The following PSD variants were observed in gnomAD, a reference collection of about 807,000 sequenced individuals.
PSD encodes pleckstrin and Sec7 domain containing, also known as PH and SEC7 domain-containing protein 1.
Under a neutral mutation model 91.6 loss-of-function variants are expected in PSD, and 32 were observed. That is an observed-to-expected ratio of 0.35 (90% CI 0.26 to 0.47). The LOEUF is 0.47. Ranked by LOEUF, PSD falls within the 20% of genes least tolerant of loss-of-function variation. The pLI, the probability that PSD is intolerant of heterozygous loss-of-function variation, is 1.00. For missense variants in PSD, 1,099 were observed against 1,373.9 expected, an observed-to-expected ratio of 0.80 and a Z score of 3.16; for synonymous variants, 532 against 569.3, an observed-to-expected ratio of 0.93 and a Z score of 0.93.
Position 102,416,485 on chromosome 10 carries a change from G to T in PSD, c.554C>A (p.Ala185Glu). The T allele has an allele frequency of 6.2e-7, 1 of 1,613,570 alleles. No individual in the cohort carries two copies. The highest frequency in any genetic ancestry group is 1.1e-5 in the South Asian group (1 of 91,032). ...HGPPAPPQVG[A>E]DGLYSSLPNG... ...GGGGAGAGAGGAGTAAAGGCCATCT[G>T]CTCCAACCTGGGGTGGGGCTGGCGG... Residue 185 changes from alanine to glutamate, a missense_variant, in exon 2 of 17, where the codon GCA becomes GAA. By Grantham distance (107) the Ala-to-Glu change is moderately radical. Transcript: ENST00000020673. This position sits in a 1 kb window ranked among gnomAD's most constrained non-coding sequence, Gnocchi z 6.0.
At position 102,405,251 on chromosome 10, in the gene PSD, G is replaced by A. The variant is rs200631306; in HGVS notation, c.2329C>T (p.Pro777Ser). Residue 777 changes from proline (P) to serine (S), a missense_variant and splice_region_variant, in exon 13 of 17, where the codon CCT becomes TCT. Transcript: ENST00000020673. This position sits in a 1 kb window ranked among gnomAD's most constrained non-coding sequence, Gnocchi z 5.4. ...VHADPDCRKT[P>S]RGKRGWKSFH... is the part of the protein sequence containing the mutation. ...CTCTTCCAGCCCCGCTTGCCCCGAG[G>A]TGCTGCGGGGAGAGAAGACAGGTCA... 12 of 1,610,672 alleles carry A rather than the reference G, an allele frequency of 7.5e-6. No individual in the cohort carries two copies. Among genetic ancestry groups the A allele is most frequent in the Non-Finnish European group, 1.0e-5 (12 of 1,179,850 alleles).
chr10:102,408,875 C>T, intron 10 of PSD: 2 of 986,836 alleles, frequency 2.0e-6, no homozygotes, highest in South Asian at 9.4e-5. Flanking sequence ...TGGCGTGGGC[C>T]GCGGCCCCAA....
At position 102,411,052 on chromosome 10, in the gene PSD, A is replaced by C; in HGVS notation, c.2001+6T>G. On this transcript the variant is annotated splice_donor_region_variant and intron_variant, in intron 9 of 16. Transcript: ENST00000020673. The stretch of plus-strand genomic sequence containing the variant: ...TTCCGGCTCCTGCCCGCCCGCCTCC[A>C]CTCACATGGCCGTGGAGATCCGTGT... The C allele has an allele frequency of 6.2e-7, 1 of 1,612,346 alleles. No homozygotes were observed. Among genetic ancestry groups the C allele is most frequent in the Non-Finnish European group, 8.5e-7 (1 of 1,178,938 alleles).
rs1565220848 is a variant in PSD at position 102,405,581 on chromosome 10, G to A, written c.2136-45C>T. 1.3e-6 allele frequency: 2 copies of A among 1,559,458 alleles called. No individual in the cohort carries two copies. Among genetic ancestry groups the A allele is most frequent in the East Asian group, 2.3e-5 (1 of 43,694 alleles). ...AGAGGGGGCTGGCCATGGAGCCGCG[G>A]CCCCCGCTTCAGTTCTGGCCTCTGC... On this transcript the variant is annotated intron_variant, in intron 11 of 16. Coordinates refer to ENST00000020673, the MANE Select transcript of PSD (RefSeq NM_002779.5). This position sits in a 1 kb window ranked among gnomAD's most constrained non-coding sequence, Gnocchi z 5.4.
At position 102,414,797 on chromosome 10, in the gene PSD, T is replaced by C. The variant is rs1335270218; in HGVS notation, c.1124+66A>G. On this transcript the variant is annotated intron_variant, in intron 4 of 16. Transcript: ENST00000020673. The surrounding 1 kb of genome is among the most constrained non-coding windows in gnomAD (Gnocchi z 5.6). ...CAGGCCCTTTGAGCCCGGCTCTGCCTGTGGGCCAGTGCGAAGGAGCAAGCC... is the reference window on the plus strand; with the variant it reads ...CAGGCCCTTTGAGCCCGGCTCTGCCCGTGGGCCAGTGCGAAGGAGCAAGCC... 19 of 1,476,016 alleles carry C rather than the reference T, an allele frequency of 1.3e-5. No homozygotes were observed. The highest frequency in any genetic ancestry group is 1.7e-5 in the Non-Finnish European group (19 of 1,117,790). The allele number at this position is 1,476,016 out of a possible 1,614,324, so 91.4% of individuals were successfully genotyped here. A position where few individuals can be genotyped will look rare whatever the true frequency, so the allele number is the denominator to read the frequency against.
chr10:102,411,617 C>T, intron 8 of PSD, 90 bp downstream of exon 8: 3 of 945,442 alleles, frequency 3.2e-6, no homozygotes, highest in Non-Finnish European at 5.1e-6. Flanking sequence ...CTGCTGTACA[C>T]ACACTCATGC....
rs2061335198 is a variant in PSD at position 102,404,394 on chromosome 10, A to G, written c.2700+189T>C. ...GCCCCTTCCTTTGGACAAACAAAGC[A>G]CTATGTTTGGGTTCCCAGCCGGCAA... On this transcript the variant is annotated intron_variant, in intron 15 of 16. Transcript: ENST00000020673. This position sits in a 1 kb window ranked among gnomAD's most constrained non-coding sequence, Gnocchi z 5.7. Among the ~76,000 whole-genome samples, 1 of 150,936 alleles carries G rather than the reference A, an allele frequency of 6.6e-6. No individual in the cohort carries two copies. Among genetic ancestry groups the G allele is most frequent in the South Asian group, 2.1e-4 (1 of 4,794 alleles).
At chr10:102,408,993 G>C in intron 10 of PSD, 2 of 987,380 alleles carry the variant, frequency 2.0e-6, no homozygotes, top group Non-Finnish European at 2.4e-6. Flanking sequence ...CCGTAGCACA[G>C]GGTCTCCGCG....
At position 102,403,351 on chromosome 10, in the gene PSD, G is replaced by A. The variant is rs1342327343; in HGVS notation, c.2924C>T (p.Ala975Val). Residue 975 changes from alanine to valine, a missense_variant, in exon 17 of 17, where the codon GCA (alanine) becomes GTA (valine). Physicochemically the swap from Ala to Val is moderately conservative, Grantham distance 64. Coordinates refer to ENST00000020673, the MANE Select transcript of PSD (RefSeq NM_002779.5). This position sits in a 1 kb window ranked among gnomAD's most constrained non-coding sequence, Gnocchi z 6.7. ...AGSEELDAVE[A>V]ALAQAGSTED... ...TGTGCTCCCGGCCTGGGCCAGTGCT[G>A]CCTCCACTGCATCCAGCTCCTCACT... 2.3e-5 allele frequency: 37 copies of A among 1,613,910 alleles called. No homozygotes were observed. The highest frequency in any genetic ancestry group is 3.1e-5 in the Non-Finnish European group (37 of 1,180,026).
At chr10:102,408,791 C>CT in intron 10 of PSD, 1 of 780,342 alleles carries the variant, frequency 1.3e-6, no homozygotes, top group African/African-American at 1.9e-5. Flanking sequence ...ACCTCTGTCC[C>CT]TACCAGGCTC....
chr10:102,403,390 T>A lies in PSD; in HGVS notation c.2885A>T (p.Lys962Met). The change falls in exon 17 of 17, where the codon AAG becomes ATG. Residue 962 changes from lysine to methionine, a missense_variant. Physicochemically the swap from Lys to Met is moderately conservative, Grantham distance 95. Coordinates refer to ENST00000020673, the MANE Select transcript of PSD (RefSeq NM_002779.5). This position sits in a 1 kb window ranked among gnomAD's most constrained non-coding sequence, Gnocchi z 6.7. The part of the protein sequence containing the change: ...YSTYAALLRV[K>M]LKAGSEELDA... ...CAGCTCCTCACTGCCTGCCTTCAGC[T>A]TGACCCGAAGCAGCGCTGCATAGGT... The A allele has an allele frequency of 6.2e-7, 1 of 1,613,550 alleles. No individual in the cohort carries two copies.
upstream of PSD, chr10:102,418,838 C>G (rs2061519354): frequency 2.6e-6 from 1 of 386,602 alleles, no homozygotes; most frequent in Admixed American, 2.6e-5. Flanking sequence ...ACGCGCCGCT[C>G]AGGCAACGCT....
Position 102,412,538 on chromosome 10 carries a change from A to T in PSD, c.1591T>A (p.Ser531Thr). The change falls in exon 6 of 17, where the codon TCA becomes ACA. Residue 531 changes from serine (S) to threonine (T), a missense_variant. This residue lies in a region of PSD where 631 missense variants were observed against 728.8 expected (regional missense o/e 0.87). Coordinates refer to ENST00000020673, the MANE Select transcript of PSD (RefSeq NM_002779.5). The stretch of plus-strand genomic sequence containing the variant: ...AGCCGCTCTGTGCTGTCCAGCTCTG[A>T]GTCTGAGTCGGACACCAGCTGGCTC... ...PLSQLVSDSDSELDSTERLAL... is the reference protein window; with the variant it reads ...PLSQLVSDSDTELDSTERLAL... 1 of 1,613,704 alleles carries T rather than the reference A, an allele frequency of 6.2e-7. No individual in the cohort carries two copies.
rs542437943 is a variant in PSD at position 102,414,335 on chromosome 10, G to A, written c.1125-138C>T. 5.6e-6 allele frequency: 5 copies of A among 889,776 alleles called. No homozygotes were observed. The highest frequency in any genetic ancestry group is 5.8e-5 in the Admixed American group (2 of 34,416). The allele number at this position is 889,776 out of a possible 1,614,324, so 55.1% of individuals were successfully genotyped here. On this transcript the variant is annotated intron_variant, in intron 4 of 16. Transcript: ENST00000020673. The surrounding 1 kb of genome is among the most constrained non-coding windows in gnomAD (Gnocchi z 5.6). ...GGCTCCAGCCCACTAACAAAAAAGA[G>A]CCTCTAGGGTAGGGCGCCAAGCTAT... is the stretch of plus-strand genomic sequence containing the variant.
In PSD at chr10:102,403,976, C is replaced by T; in HGVS notation, c.2710G>A (p.Val904Met). ...AATRLSQEEQ[V>M]RTHEAKLKAM... ...TTCAGCTTGGCCTCGTGGGTCCGCA[C>T]CTGCTCCTCCTAGCGGCCAGGGGGA... The change falls in exon 16 of 17, where the codon GTG becomes ATG. Residue 904 changes from valine to methionine, a missense_variant. By Grantham distance (21) the Val-to-Met change is conservative. This residue lies in a region of PSD where 358 missense variants were observed against 426.5 expected (regional missense o/e 0.84). Transcript: ENST00000020673. This position sits in a 1 kb window ranked among gnomAD's most constrained non-coding sequence, Gnocchi z 6.7. The T allele has an allele frequency of 1.9e-6, 3 of 1,556,586 alleles. No individual in the cohort carries two copies. The highest frequency in any genetic ancestry group is 2.6e-6 in the Non-Finnish European group (3 of 1,152,664).
Position 102,410,191 on chromosome 10 carries a change from C to T in PSD, c.2091+667G>A, listed in dbSNP as rs2061410677. On this transcript the variant is annotated intron_variant, in intron 10 of 16. Coordinates refer to ENST00000020673, the MANE Select transcript of PSD (RefSeq NM_002779.5). The surrounding 1 kb of genome is among the most constrained non-coding windows in gnomAD (Gnocchi z 6.0). ...GTCCAGGCCTCTCTAGATAAACTAC[C>T]ACCAGATCAGGGAGAGGAGTGAACC... is the stretch of plus-strand genomic sequence containing the variant. 6.6e-6 allele frequency among the ~76,000 whole-genome samples: 1 copy of T among 152,154 alleles called. No homozygotes were observed. The highest frequency in any genetic ancestry group is 2.1e-4 in the South Asian group (1 of 4,830).
In PSD at chr10:102,404,076, C is replaced by T. The variant is rs946296375; in HGVS notation, c.2701-91G>A. On this transcript the variant is annotated intron_variant, in intron 15 of 16. Transcript: ENST00000020673. This position sits in a 1 kb window ranked among gnomAD's most constrained non-coding sequence, Gnocchi z 5.7. ...AAAAGATACCCCTTCCAGCCGGGCG[C>T]GGTGGCTCACGCCTGTAATCCCAGC... is the stretch of plus-strand genomic sequence containing the variant. 6.3e-6 allele frequency: 9 copies of T among 1,418,220 alleles called. No homozygotes were observed. The Admixed American group carries it at 1.0e-4, about 16-fold the overall frequency. The allele number at this position is 1,418,220 out of a possible 1,614,324, so 87.9% of individuals were successfully genotyped here.
chr10:102,416,188 A>G lies in PSD; in HGVS notation c.655-69T>C. On this transcript the variant is annotated intron_variant, in intron 2 of 16. Transcript: ENST00000020673. The surrounding 1 kb of genome is among the most constrained non-coding windows in gnomAD (Gnocchi z 6.0). The stretch of plus-strand genomic sequence containing the variant: ...ACATACAAGGACACAAGAATATGGG[A>G]CAGAAACAGAAATTAAAACATGCAT... 7.7e-7 allele frequency: 1 copy of G among 1,302,754 alleles called. No individual in the cohort carries two copies. Among genetic ancestry groups the G allele is most frequent in the Non-Finnish European group, 1.1e-6 (1 of 926,158 alleles). 80.7% of individuals were successfully genotyped at this position (1,302,754 alleles called of 1,614,324 possible).
In PSD at chr10:102,403,396, C is replaced by T. The variant is rs148732359; in HGVS notation, c.2879G>A (p.Arg960Gln). The change falls in exon 17 of 17, where the codon CGG (arginine) becomes CAG (glutamine). Residue 960 changes from arginine (R) to glutamine (Q), a missense_variant. Arg to Gln is a conservative substitution (Grantham distance 43). Coordinates refer to ENST00000020673, the MANE Select transcript of PSD (RefSeq NM_002779.5). The surrounding 1 kb of genome is among the most constrained non-coding windows in gnomAD (Gnocchi z 6.7). Reference protein sequence around the residue: ...SRYSTYAALLRVKLKAGSEEL... With the variant: ...SRYSTYAALLQVKLKAGSEEL... The stretch of plus-strand genomic sequence containing the variant: ...CTCACTGCCTGCCTTCAGCTTGACC[C>T]GAAGCAGCGCTGCATAGGTGCTGTA... 205 of 1,613,120 alleles carry T rather than the reference C, an allele frequency of 1.3e-4. No homozygotes were observed. Among genetic ancestry groups the T allele is most frequent in the South Asian group, 4.6e-4 (42 of 91,062 alleles).
Sources: allele counts gnomAD v4.1 joint callset (sites outside exome capture counted in the v4.1 genomes callset), GRCh38; gene constraint gnomAD v4.1.1; regional missense constraint gnomAD v4.1.1; non-coding constraint Gnocchi (gnomAD v3.1); transcripts MANE v1.5; gene names NCBI Gene and HGNC (gene_info 2026-07-23, HGNC 2026-07-21).